SAFB2: variants seen among roughly 807,000 people sequenced by gnomAD.
SAFB2 encodes scaffold attachment factor B2.
A neutral mutation model predicts 100.6 loss-of-function variants in SAFB2; 32 were observed. The ratio of observed to expected loss-of-function variants is 0.32; its 90% CI spans 0.24 to 0.43. The LOEUF (loss-of-function observed/expected upper bound fraction) is 0.43. Ranked by LOEUF, SAFB2 falls within the 20% of genes least tolerant of loss-of-function variation. The pLI is 1.00. For missense variants in SAFB2, 1,185 were observed against 1,163.4 expected (o/e 1.02, Z -0.27); for synonymous variants, 500 against 439.4 (o/e 1.14, Z -1.72).
chr19:5,595,420 T>C lies in SAFB2; in HGVS notation c.1860A>G (p.Gln620=). 1 of 1,613,700 alleles carries C rather than the reference T, an allele frequency of 6.2e-7. No homozygotes were observed. Among genetic ancestry groups the C allele is most frequent in the Non-Finnish European group, 8.5e-7 (1 of 1,179,956 alleles). Residue 620 remains glutamine, a synonymous_variant, in exon 14 of 21, where the codon CAA becomes CAG. Coordinates refer to ENST00000252542, the MANE Select transcript of SAFB2 (RefSeq NM_014649.3). ...GCTGCCTCTGGCGCTCTCTCTCCCT[T>C]TGTTCTTTGATTTTATCAAACGACA... ...DILSFDKIKE[Q]RERERQRQRE...
rs372941925 is a variant in SAFB2 at position 5,598,938 on chromosome 19, G to A, written c.1691-54C>T. On this transcript the variant is annotated intron_variant, in intron 12 of 20. Coordinates refer to ENST00000252542, the MANE Select transcript of SAFB2 (RefSeq NM_014649.3). ...AAACCTGTGGACGCCCCAACTTCCC[G>A]CAGTAAACAGCACTCTGATGGACCC... is the stretch of plus-strand genomic sequence containing the variant. 1.3e-3 allele frequency: 1,920 copies of A among 1,502,688 alleles called. 5 individuals carry two copies. Among genetic ancestry groups the A allele is most frequent in the South Asian group, 3.2e-3 (286 of 88,194 alleles). 93.1% of individuals were successfully genotyped at this position (1,502,688 alleles called of 1,614,324 possible).
chr19:5,609,439 G>A lies in SAFB2; in HGVS notation c.1296+556C>T, dbSNP rs531122272. On this transcript the variant is annotated intron_variant, in intron 9 of 20. Coordinates refer to ENST00000252542, the MANE Select transcript of SAFB2 (RefSeq NM_014649.3). ...CCACCTCAGCTTCCCGAGTAGCTGC[G>A]ACTACAGGCACAGAACACCACGGCT... is the stretch of plus-strand genomic sequence containing the variant. Among the ~76,000 whole-genome samples, 165 of 151,794 alleles carry A rather than the reference G, an allele frequency of 1.1e-3. 1 individual carries two copies. Among genetic ancestry groups the A allele is most frequent in the South Asian group, 1.5e-3 (7 of 4,798 alleles).
Position 5,622,765 on chromosome 19 carries a change from T to A in SAFB2, c.-50A>T, listed in dbSNP as rs1248524502. Reference sequence around the variant, plus strand: ...GACTCAGTCGCACACCGCCGGCAGCTATAGCGGCTCTGAACACAAAATGGC... The same window carrying A: ...GACTCAGTCGCACACCGCCGGCAGCAATAGCGGCTCTGAACACAAAATGGC... On this transcript the variant is annotated 5_prime_UTR_variant, in exon 1 of 21. Transcript: ENST00000252542. 6.5e-7 allele frequency: 1 copy of A among 1,549,230 alleles called. No individual in the cohort carries two copies. The highest frequency in any genetic ancestry group is 1.4e-5 in the African/African-American group (1 of 73,250).
At chr19:5,595,101 G>A (rs2052507700) in intron 14 of SAFB2, among the ~76,000 whole-genome samples, 1 of 152,194 alleles carries the variant, frequency 6.6e-6, no homozygotes, top group Admixed American at 6.5e-5. Flanking sequence ...CTCTGGCCCT[G>A]GCATCCCAAA....
chr19:5,622,300 G>A (rs1393301401), intron 1 of SAFB2, among the ~76,000 whole-genome samples: 2 of 152,214 alleles, frequency 1.3e-5, no homozygotes, highest in East Asian at 1.9e-4. Context: ...CGCACGCTGA[G>A]CGCGCTTGAG....
intron 2 of SAFB2, among the ~76,000 whole-genome samples, chr19:5,618,575 G>A (rs1372342395): frequency 2.0e-5 from 3 of 152,244 alleles, no homozygotes; most frequent in African/African-American, 4.8e-5. Flanking sequence ...GAGCTCCAAA[G>A]CTGGCACTCT....
At chr19:5,589,619 C>T (rs2052344347) in intron 18 of SAFB2, among the ~76,000 whole-genome samples, 1 of 152,162 alleles carries the variant, frequency 6.6e-6, no homozygotes, top group Admixed American at 6.5e-5. Flanking sequence ...ACAGGACAAA[C>T]AGGCAGGGGT....
rs1247539542 is a variant in SAFB2 at position 5,593,938 on chromosome 19, A to ACGCAGCTGCTCCTGCTGGCGC, written c.2139_2159dup (p.Arg714_Arg720dup). On this transcript the variant is annotated inframe_insertion, in exon 15 of 21. Coordinates refer to ENST00000252542, the MANE Select transcript of SAFB2 (RefSeq NM_014649.3). Reference sequence around the variant, plus strand: ...GCCCGGGCCGCCGCTCCTGCTCGTAACGCAGCTGCTCCTGCTGGCGCCGCA... The same window carrying ACGCAGCTGCTCCTGCTGGCGC: ...GCCCGGGCCGCCGCTCCTGCTCGTAACGCAGCTGCTCCTGCTGGCGCCGCAGCTGCTCCTGCTGGCGCCGCA... 1 of 1,552,770 alleles carries ACGCAGCTGCTCCTGCTGGCGC rather than the reference A, an allele frequency of 6.4e-7. No homozygotes were observed. Among genetic ancestry groups the ACGCAGCTGCTCCTGCTGGCGC allele is most frequent in the East Asian group, 2.4e-5 (1 of 42,476 alleles).
At chr19:5,621,525 T>C (rs924823492) in intron 1 of SAFB2, 129 bp from the exon 2 acceptor site, 1 of 708,350 alleles carries the variant, frequency 1.4e-6, no homozygotes, top group Non-Finnish European at 2.6e-6. Flanking sequence ...GGGTCAGCTA[T>C]CTGGGCCGCA....
intron 2 of SAFB2, among the ~76,000 whole-genome samples, chr19:5,619,734 A>T (rs1240818887): frequency 1.3e-5 from 2 of 151,884 alleles, no homozygotes; most frequent in African/African-American, 4.8e-5. Flanking sequence ...AATCGCAGCT[A>T]CTCAGGAGGC....
rs750650641 is a variant in SAFB2 at position 5,593,956 on chromosome 19, G to C, written c.2142C>G (p.Arg714=). Reference sequence around the variant, plus strand: ...GCTCGTAACGCAGCTGCTCCTGCTGGCGCCGCAGCTCCTCGCGCTCGCGGT... The same window carrying C: ...GCTCGTAACGCAGCTGCTCCTGCTGCCGCCGCAGCTCCTCGCGCTCGCGGT... ...RIHREREELR[R]QQEQLRYEQE... The change falls in exon 15 of 21, where the codon CGC becomes CGG. Residue 714 remains arginine (R), a synonymous_variant. Coordinates refer to ENST00000252542, the MANE Select transcript of SAFB2 (RefSeq NM_014649.3). 16 of 1,554,458 alleles carry C rather than the reference G, an allele frequency of 1.0e-5. No homozygotes were observed. The South Asian group carries it at 1.8e-4, about 17-fold the overall frequency.
intron 4 of SAFB2, among the ~76,000 whole-genome samples, chr19:5,615,125 C>T (rs757197594): frequency 9.2e-5 from 14 of 152,270 alleles, no homozygotes; most frequent in East Asian, 3.9e-4. Flanking sequence ...GAGGCCAAGG[C>T]GGGCAGATCA....
At chr19:5,609,300 C>CTT (rs751534976) in intron 9 of SAFB2, among the ~76,000 whole-genome samples, 106 of 118,844 alleles carry the variant, frequency 8.9e-4, no homozygotes, top group South Asian at 1.7e-3. Context: ...TCACTTCATT[C>CTT]TTTTTTTTTT....
At chr19:5,615,479 G>A (rs528571511) in intron 4 of SAFB2, among the ~76,000 whole-genome samples, 13 of 152,064 alleles carry the variant, frequency 8.5e-5, no homozygotes, top group Middle Eastern at 3.4e-3. Flanking sequence ...AGGCTGAGGC[G>A]GGAGGATTGC....
intron 9 of SAFB2, among the ~76,000 whole-genome samples, chr19:5,606,896 C>T (rs1426437497): frequency 2.0e-5 from 3 of 152,198 alleles, no homozygotes; most frequent in Non-Finnish European, 4.4e-5. Context: ...CTTGGATATA[C>T]AACAAAAAGC....
Position 5,590,497 on chromosome 19 carries a change from G to A in SAFB2, c.2395-89C>T, listed in dbSNP as rs373665200. 41 of 1,413,606 alleles carry A rather than the reference G, an allele frequency of 2.9e-5. No homozygotes were observed. In the African/African-American group the frequency reaches 4.3e-4, roughly 15 times the overall value. The allele number at this position is 1,413,606 out of a possible 1,614,324, so 87.6% of individuals were successfully genotyped here. On this transcript the variant is annotated intron_variant, in intron 17 of 20. Coordinates refer to ENST00000252542, the MANE Select transcript of SAFB2 (RefSeq NM_014649.3). The stretch of plus-strand genomic sequence containing the variant: ...AAGGCCTGTCCACTGCAGGCCCCAG[G>A]GTGGCAGGTGGGGCGGAGCTGAGAG...
intron 11 of SAFB2, among the ~76,000 whole-genome samples, chr19:5,601,954 A>G (rs565355996): frequency 2.0e-5 from 3 of 152,292 alleles, no homozygotes; most frequent in South Asian, 2.1e-4. Context: ...TGCTTTCTGT[A>G]TAACAACTGT....
At chr19:5,621,993 G>A (rs557510541) in intron 1 of SAFB2, among the ~76,000 whole-genome samples, 2 of 152,370 alleles carry the variant, frequency 1.3e-5, no homozygotes, top group South Asian at 4.1e-4. Flanking sequence ...GTGGGGCAGC[G>A]CATTAGGAAG....
rs1307520862 is a variant in SAFB2 at position 5,609,231 on chromosome 19, T to A, written c.1296+764A>T. ...TTAGTGATTTATTTTTGAACCACGATCATGTTCTAGTTATGAGACTATATA... is the reference window on the plus strand; with the variant it reads ...TTAGTGATTTATTTTTGAACCACGAACATGTTCTAGTTATGAGACTATATA... On this transcript the variant is annotated intron_variant, in intron 9 of 20. Transcript: ENST00000252542. Among the ~76,000 whole-genome samples the A allele has an allele frequency of 5.9e-5, 9 of 151,828 alleles. No homozygotes were observed. In the East Asian group the frequency reaches 1.7e-3, roughly 29 times the overall value.
Sources: gnomAD v4.1 joint callset for allele counts (sites outside exome capture counted in the v4.1 genomes callset) on GRCh38, gnomAD v4.1.1 for gene constraint, MANE v1.5 for transcripts, NCBI Gene and HGNC (gene_info 2026-07-23, HGNC 2026-07-21) for gene names.